The following KLHL1 variants were observed in gnomAD, a reference collection of about 807,000 sequenced individuals.
The protein encoded by KLHL1 is kelch like family member 1, also known as kelch-like protein 1.
Under a neutral mutation model 77.7 loss-of-function variants are expected in KLHL1, and 47 were observed. That is an observed-to-expected ratio of 0.60 (90% CI 0.48 to 0.77). The LOEUF is 0.77. KLHL1 is among the 30% of genes least tolerant of loss of function. KLHL1 has a pLI of 0.00. For synonymous variants in KLHL1, 360 were observed against 325.2 expected, an observed-to-expected ratio of 1.11 and a Z score of -1.15; for missense variants, 925 against 910.8, an observed-to-expected ratio of 1.02 and a Z score of -0.20.
chr13:69,824,923 A>AT (rs1878485096), intron 6 of KLHL1, among the ~76,000 whole-genome samples: 1 of 152,150 alleles, frequency 6.6e-6, no homozygotes, highest in Admixed American at 6.6e-5. Flanking sequence ...ATATCTAAAA[A>AT]AAATTTGAAA....
chr13:69,754,978 G>A (rs1035343148), intron 7 of KLHL1, among the ~76,000 whole-genome samples: 9 of 152,042 alleles, frequency 5.9e-5, no homozygotes, highest in African/African-American at 2.2e-4. Context: ...CTATGACCCT[G>A]CAATACTTTG....
chr13:69,975,857 G>T, intron 1 of KLHL1, 55 bp from the exon 2 acceptor site: 1 of 1,471,828 alleles, frequency 6.8e-7, no homozygotes. Context: ...GATTTATAAA[G>T]AGCCAATTAT....
At chr13:69,780,068 A>AAAGT (rs1876061194) in intron 7 of KLHL1, among the ~76,000 whole-genome samples, 1 of 152,150 alleles carries the variant, frequency 6.6e-6, no homozygotes, top group East Asian at 1.9e-4. Context: ...TTGGCCTTCC[A>AAAGT]AAGTGCTGGG....
At chr13:69,768,849 T>C (rs568010397) in intron 7 of KLHL1, among the ~76,000 whole-genome samples, 1 of 152,282 alleles carries the variant, frequency 6.6e-6, no homozygotes, top group Non-Finnish European at 1.5e-5. Flanking sequence ...CTTACAGAAA[T>C]TGAACAAGTG....
chr13:70,082,586 A>G (rs145765930), intron 1 of KLHL1, among the ~76,000 whole-genome samples: 43 of 152,312 alleles, frequency 2.8e-4, no homozygotes, highest in African/African-American at 1.0e-3. Flanking sequence ...AGAACATTTT[A>G]TAGCCAGTTA....
intron 1 of KLHL1, among the ~76,000 whole-genome samples, chr13:70,084,622 CTTTTTTTTTTT>C (rs71116988): frequency 4.0e-4 from 6 of 14,956 alleles, no homozygotes; most frequent in South Asian, 8.6e-3. Context: ...CCACGCCAGG[CTTTTTTTTTTT>C]TTTTTTTTTT....
intron 1 of KLHL1, among the ~76,000 whole-genome samples, chr13:70,021,331 G>A (rs571869259): frequency 1.2e-4 from 18 of 152,126 alleles, no homozygotes; most frequent in Middle Eastern, 6.8e-3. Flanking sequence ...GGCTTTTCAT[G>A]GCTTGATAGG....
At chr13:69,920,251 A>G (rs1426866690) in intron 4 of KLHL1, among the ~76,000 whole-genome samples, 1 of 152,110 alleles carries the variant, frequency 6.6e-6, no homozygotes, top group Non-Finnish European at 1.5e-5. Flanking sequence ...TGAGATTGTC[A>G]GTTTCCAATT....
At chr13:69,812,881 G>T (rs1340702309) in intron 6 of KLHL1, among the ~76,000 whole-genome samples, 2 of 146,798 alleles carry the variant, frequency 1.4e-5, no homozygotes, top group Non-Finnish European at 3.0e-5. Flanking sequence ...TGGTGGGACT[G>T]TAAACTAGTT....
intron 4 of KLHL1, among the ~76,000 whole-genome samples, chr13:69,893,227 T>A (rs1357851212): frequency 1.5e-5 from 2 of 133,596 alleles, no homozygotes; most frequent in African/African-American, 6.1e-5. Flanking sequence ...GCTACATAAA[T>A]TTTTTTTTTT....
rs71116981 is a variant in KLHL1, at chr13:70,033,604, CTTTTTTTTTTTTTTTTTT to C, written c.498-57820_498-57803del. 4.6e-3 allele frequency among the ~76,000 whole-genome samples: 215 copies of C among 47,202 alleles called. 1 individual carries two copies. The highest frequency in any genetic ancestry group is 0.018 in the African/African-American group (201 of 11,470). The allele number at this position is 47,202 out of a possible 152,430, so 31.0% of individuals were successfully genotyped here. A position where few individuals can be genotyped will look rare whatever the true frequency, so the allele number is the denominator to read the frequency against. ...TACAGGTGTGAGTCACCGCAACTGG[CTTTTTTTTTTTTTTTTTT>C]TTTTTTTTTTTTTTTGAGACAGAGT... On this transcript the variant is annotated intron_variant, in intron 1 of 10. Transcript: ENST00000377844.
chr13:70,089,882 A>G (rs1430979180), intron 1 of KLHL1, among the ~76,000 whole-genome samples: 1 of 152,150 alleles, frequency 6.6e-6, no homozygotes, highest in Admixed American at 6.5e-5. Context: ...ATGGTGAGAG[A>G]GAAATTGCTA....
At chr13:70,076,021 T>A (rs957128455) in intron 1 of KLHL1, among the ~76,000 whole-genome samples, 41 of 151,824 alleles carry the variant, frequency 2.7e-4, no homozygotes, top group African/African-American at 8.9e-4. Flanking sequence ...TATATTCATA[T>A]ATGGAAGCCT....
chr13:69,854,869 A>G (rs1879826586), intron 5 of KLHL1, among the ~76,000 whole-genome samples: 1 of 152,040 alleles, frequency 6.6e-6, no homozygotes, highest in East Asian at 1.9e-4. Context: ...GAAAATTCTT[A>G]ATTGTAACAC....
At chr13:70,073,516 C>A (rs998458187) in intron 1 of KLHL1, among the ~76,000 whole-genome samples, 6 of 151,520 alleles carry the variant, frequency 4.0e-5, no homozygotes, top group African/African-American at 1.5e-4. Context: ...ATGTAACAAG[C>A]CTGCACGTTG....
chr13:69,920,623 T>C (rs959233250), intron 4 of KLHL1, among the ~76,000 whole-genome samples: 1 of 152,114 alleles, frequency 6.6e-6, no homozygotes, highest in East Asian at 1.9e-4. Context: ...TTAGAAACTG[T>C]TGGACTTTAT....
chr13:70,025,498 T>C (rs1192355326), intron 1 of KLHL1, among the ~76,000 whole-genome samples: 2 of 152,004 alleles, frequency 1.3e-5, no homozygotes, highest in African/African-American at 4.8e-5. Context: ...AGAACATGCA[T>C]GAAATATCTA....
Position 70,031,115 on chromosome 13 carries a change from C to CAAA in KLHL1, c.498-55316_498-55314dup, listed in dbSNP as rs10719197. Among the ~76,000 whole-genome samples the CAAA allele has an allele frequency of 1.8e-3, 120 of 68,490 alleles. 1 individual carries two copies. Among genetic ancestry groups the CAAA allele is most frequent in the African/African-American group, 4.4e-3 (117 of 26,402 alleles). The allele number at this position is 68,490 out of a possible 152,430, so 44.9% of individuals were successfully genotyped here. A position where few individuals can be genotyped will look rare whatever the true frequency, so the allele number is the denominator to read the frequency against. On this transcript the variant is annotated intron_variant, in intron 1 of 10. Coordinates refer to ENST00000377844, the MANE Select transcript of KLHL1 (RefSeq NM_020866.3). ...AGGCAATAATTAATAGCCTGCCAAC[C>CAAA]AAAAAAAAACCCAGATGTTAGCTTT...
chr13:69,938,400 A>G (rs2068759443), intron 4 of KLHL1, among the ~76,000 whole-genome samples: 1 of 152,104 alleles, frequency 6.6e-6, no homozygotes, highest in Admixed American at 6.6e-5. Context: ...TTCTGTTTTA[A>G]ATATATTTTC....
Sources: gnomAD v4.1 joint callset for allele counts (sites outside exome capture counted in the v4.1 genomes callset) on GRCh38, gnomAD v4.1.1 for gene constraint, MANE v1.5 for transcripts, NCBI Gene and HGNC (gene_info 2026-07-23, HGNC 2026-07-21) for gene names.